Variants in HERC1 observed in about 807,000 individuals in gnomAD.
The protein encoded by HERC1 is probable E3 ubiquitin-protein ligase HERC1.
HERC1 carries 160 observed loss-of-function variants against 554.3 expected under a neutral mutation model. The observed-to-expected ratio is 0.29, with a 90% CI of 0.25 to 0.33. The LOEUF is 0.33. Among genes scored for constraint, HERC1 ranks in the 10% least tolerant of loss-of-function variants. The pLI is 1.00. For synonymous variants in HERC1, 2,175 were observed against 2,131.7 expected (o/e 1.02, Z -0.56); for missense variants, 4,919 against 5,918.5 (o/e 0.83, Z 5.54).
intron 65 of HERC1, 58 bp from the exon 66 acceptor site, chr15:63,634,946 A>T (rs948787487): frequency 5.2e-6 from 7 of 1,344,626 alleles, no homozygotes; most frequent in African/African-American, 1.5e-5. Flanking sequence ...GAAAAAAGTA[A>T]ATCTGCCATT....
intron 1 of HERC1, among the ~76,000 whole-genome samples, chr15:63,819,349 G>T (rs954813945): frequency 2.0e-5 from 3 of 152,184 alleles, no homozygotes; most frequent in African/African-American, 7.2e-5. Flanking sequence ...TCACAGAGGT[G>T]TTATTCACAT....
At position 63,674,886 on chromosome 15, in the gene HERC1, A is replaced by G; in HGVS notation, c.7302T>C (p.Ser2434=). 2 of 1,613,794 alleles carry G rather than the reference A, an allele frequency of 1.2e-6. No homozygotes were observed. Among genetic ancestry groups the G allele is most frequent in the Non-Finnish European group, 1.7e-6 (2 of 1,179,812 alleles). The change falls in exon 38 of 78, where the codon AGT becomes AGC. Residue 2434 remains serine (S), a synonymous_variant. Coordinates refer to ENST00000443617, the MANE Select transcript of HERC1 (RefSeq NM_003922.4). The part of the protein sequence containing the change: ...EKGDVEQKPE[S]ESALDMRTGL... Reference sequence around the variant, plus strand: ...CTGTTCGCATATCTAAAGCGGATTCACTCTCAGGTTTCTGCTCAACATCCC... The same window carrying G: ...CTGTTCGCATATCTAAAGCGGATTCGCTCTCAGGTTTCTGCTCAACATCCC...
intron 1 of HERC1, among the ~76,000 whole-genome samples, chr15:63,815,945 G>C (rs1043679735): frequency 2.0e-5 from 3 of 152,068 alleles, no homozygotes; most frequent in Non-Finnish European, 2.9e-5. Flanking sequence ...AAAACCATCA[G>C]ATCTCATGAG....
Position 63,686,356 on chromosome 15 carries a change from T to C in HERC1, c.6225+3A>G. The C allele has an allele frequency of 6.3e-7, 1 of 1,586,720 alleles. No homozygotes were observed. On this transcript the variant is annotated splice_donor_region_variant and intron_variant, in intron 34 of 77. Coordinates refer to ENST00000443617, the MANE Select transcript of HERC1 (RefSeq NM_003922.4). ...GCTAAAAACTATTAGATTTTCTACG[T>C]ACCTTCCACTGATAGCACCCAGAAG...
intron 27 of HERC1, 122 bp from the exon 28 acceptor site, chr15:63,695,016 C>T: frequency 1.3e-6 from 1 of 770,558 alleles, no homozygotes; most frequent in East Asian, 3.2e-5. Context: ...TAATTATTTA[C>T]TATATTTCAT....
At chr15:63,803,730 G>A (rs1015286166) in intron 1 of HERC1, among the ~76,000 whole-genome samples, 1 of 152,170 alleles carries the variant, frequency 6.6e-6, no homozygotes, top group Admixed American at 6.5e-5. Flanking sequence ...GATCTCAATT[G>A]GGTAACAAAA....
At chr15:63,610,104 G>GT in intron 77 of HERC1, among the ~76,000 whole-genome samples, 1 of 150,686 alleles carries the variant, frequency 6.6e-6, no homozygotes. Flanking sequence ...GCATTATAGT[G>GT]TTTTTATAAA....
At chr15:63,634,683 G>C (rs746597087) in intron 66 of HERC1, 50 bp downstream of exon 66, 3 of 1,521,556 alleles carry the variant, frequency 2.0e-6, no homozygotes, top group Non-Finnish European at 2.7e-6. Context: ...GAACACAGAA[G>C]AAATGAGAAA....
chr15:63,732,773 A>T, intron 14 of HERC1, 151 bp downstream of exon 14: 1 of 601,758 alleles, frequency 1.7e-6, no homozygotes. Context: ...TTGTCCCCAC[A>T]ATATTTCAGA....
rs146075248 is a variant in HERC1, at chr15:63,696,404, C to T, written c.4906-65G>A. On this transcript the variant is annotated intron_variant, in intron 26 of 77. Coordinates refer to ENST00000443617, the MANE Select transcript of HERC1 (RefSeq NM_003922.4). Reference sequence around the variant, plus strand: ...TCAGACATGATGAAACTCTGTATGCCAAAAACAGTATTTTTAACACTTAGA... The same window carrying T: ...TCAGACATGATGAAACTCTGTATGCTAAAAACAGTATTTTTAACACTTAGA... The T allele has an allele frequency of 1.6e-3, 1,741 of 1,113,120 alleles. 4 individuals are homozygous for T. The highest frequency in any genetic ancestry group is 3.1e-3 in the Admixed American group (149 of 48,102). The allele number at this position is 1,113,120 out of a possible 1,614,324, so 69.0% of individuals were successfully genotyped here. A position where few individuals can be genotyped will look rare whatever the true frequency, so the allele number is the denominator to read the frequency against.
At chr15:63,767,586 C>T (rs8031818) in intron 2 of HERC1, among the ~76,000 whole-genome samples, 123,467 of 151,858 alleles carry the variant, frequency 0.81, 51,992 homozygotes, top group Non-Finnish European at 0.87. Context: ...TAGTCCCAGC[C>T]ACTGGGGAGG....
rs1336571823 is a variant in HERC1, at chr15:63,734,194, G to A, written c.2646+530C>T. On this transcript the variant is annotated intron_variant, in intron 13 of 77. Coordinates refer to ENST00000443617, the MANE Select transcript of HERC1 (RefSeq NM_003922.4). This position sits in a 1 kb window ranked among gnomAD's most constrained non-coding sequence, Gnocchi z 4.6. ...AAAAAAGATTTAAAAAGAAAGAAAAGTATCAGTAAATATTACACTGCAAAT... is the reference window on the plus strand; with the variant it reads ...AAAAAAGATTTAAAAAGAAAGAAAAATATCAGTAAATATTACACTGCAAAT... Among the ~76,000 whole-genome samples the A allele has an allele frequency of 2.0e-5, 3 of 151,938 alleles. No homozygotes were observed. Among genetic ancestry groups the A allele is most frequent in the Non-Finnish European group, 2.9e-5 (2 of 67,978 alleles).
intron 3 of HERC1, among the ~76,000 whole-genome samples, chr15:63,763,223 G>T (rs972903659): frequency 1.3e-5 from 2 of 152,180 alleles, no homozygotes; most frequent in East Asian, 3.9e-4. Context: ...CTAATAAAAA[G>T]AAACGATAGA....
At chr15:63,814,802 C>G (rs2077441663) in intron 1 of HERC1, among the ~76,000 whole-genome samples, 1 of 152,160 alleles carries the variant, frequency 6.6e-6, no homozygotes. Flanking sequence ...AAATTTAAAT[C>G]CAAGAATCAG....
intron 14 of HERC1, among the ~76,000 whole-genome samples, chr15:63,731,918 G>A (rs376289801): frequency 2.6e-5 from 4 of 152,242 alleles, no homozygotes; most frequent in Admixed American, 1.3e-4. Flanking sequence ...CAGGAAATAC[G>A]TGTACAATGT....
At chr15:63,636,804 A>G (rs565912981) in intron 64 of HERC1, among the ~76,000 whole-genome samples, 2 of 152,332 alleles carry the variant, frequency 1.3e-5, no homozygotes, top group East Asian at 3.9e-4. Context: ...CAAGTGGGAA[A>G]ACTGAGTCAC....
intron 59 of HERC1, among the ~76,000 whole-genome samples, chr15:63,642,749 T>C (rs142362238): frequency 8.7e-4 from 132 of 152,328 alleles, no homozygotes; most frequent in African/African-American, 3.0e-3. Context: ...CACCAAAGTA[T>C]GGGGTGTAGT....
Position 63,655,836 on chromosome 15 carries a change from T to A in HERC1, c.9990A>T (p.Pro3330=). ...CAAGGGCCTGTGTTACAACAAAGTT[T>A]GGGGAGGTCACAAGCTTGTTCTCTT... The part of the protein sequence containing the change: ...IAEENKLVTS[P]NFVVTQALVA... Residue 3330 remains proline (P), a synonymous_variant, in exon 50 of 78, where the codon CCA becomes CCT. Coordinates refer to ENST00000443617, the MANE Select transcript of HERC1 (RefSeq NM_003922.4). 6.2e-7 allele frequency: 1 copy of A among 1,603,718 alleles called. No individual in the cohort carries two copies. The highest frequency in any genetic ancestry group is 2.2e-5 in the East Asian group (1 of 44,684).
Position 63,692,604 on chromosome 15 carries a change from C to A in HERC1, c.5675-38G>T. On this transcript the variant is annotated intron_variant, in intron 30 of 77. Transcript: ENST00000443617. This position sits in a 1 kb window ranked among gnomAD's most constrained non-coding sequence, Gnocchi z 4.7. The stretch of plus-strand genomic sequence containing the variant: ...GACAAGTTTACGTTACAACCAAGAG[C>A]CAACAAGAAATAGTCTTATATCACA... 6.5e-7 allele frequency: 1 copy of A among 1,538,074 alleles called. No homozygotes were observed. The highest frequency in any genetic ancestry group is 8.7e-7 in the Non-Finnish European group (1 of 1,143,496).
Sources: gnomAD v4.1 joint callset for allele counts (sites outside exome capture counted in the v4.1 genomes callset) on GRCh38, gnomAD v4.1.1 for gene constraint, Gnocchi (gnomAD v3.1) non-coding constraint, MANE v1.5 for transcripts, NCBI Gene and HGNC (gene_info 2026-07-23, HGNC 2026-07-21) for gene names.